The following CPSF7 variants were observed in gnomAD, a reference collection of about 807,000 sequenced individuals.
CPSF7 encodes the protein cleavage and polyadenylation specificity factor subunit 7.
In CPSF7, 1 loss-of-function variant was observed where a neutral mutation model predicts 44.3. The observed-to-expected ratio is 0.02, with a 90% CI of 0.01 to 0.11. CPSF7 has a LOEUF of 0.11. Among genes scored for constraint, CPSF7 ranks in the 10% least tolerant of loss-of-function variants. CPSF7 has a pLI of 1.00. For missense variants in CPSF7, 443 were observed against 607.2 expected (o/e 0.73, Z 2.84); for synonymous variants, 202 against 222.0 (o/e 0.91, Z 0.80).
intron 3 of CPSF7, chr11:61,420,872 T>C (rs934814103): frequency 1.2e-5 from 6 of 484,070 alleles, no homozygotes; most frequent in African/African-American, 5.9e-5. Context: ...TTTTTAATTA[T>C]AGATCTGTCA....
At chr11:61,412,048 A>G in intron 7 of CPSF7, 111 bp from the exon 8 acceptor site, 1 of 870,586 alleles carries the variant, frequency 1.1e-6, no homozygotes, top group Non-Finnish European at 1.8e-6. Flanking sequence ...CGTCCCAAAC[A>G]ACCGCGGTAA....
At position 61,415,974 on chromosome 11, in the gene CPSF7, G is replaced by A. The variant is rs976878492; in HGVS notation, c.938+131C>T. ...AAGGACATGGTACTACTTCCCAGGAGTCAATGCTATGATAACAGAATGTCT... is the reference window on the plus strand; with the variant it reads ...AAGGACATGGTACTACTTCCCAGGAATCAATGCTATGATAACAGAATGTCT... On this transcript the variant is annotated intron_variant, in intron 6 of 9. Coordinates refer to ENST00000439958, the MANE Select transcript of CPSF7 (RefSeq NM_001142565.3). 4.2e-6 allele frequency: 4 copies of A among 961,632 alleles called. No individual in the cohort carries two copies. The African/African-American group carries it at 4.9e-5, about 12-fold the overall frequency. 59.6% of individuals were successfully genotyped at this position (961,632 alleles called of 1,614,324 possible).
At chr11:61,409,976 A>G (rs1200718189) in intron 9 of CPSF7, among the ~76,000 whole-genome samples, 1 of 152,114 alleles carries the variant, frequency 6.6e-6, no homozygotes, top group Non-Finnish European at 1.5e-5. Flanking sequence ...TCTCAAAAAA[A>G]AAAAGATAGG....
intron 9 of CPSF7, 95 bp from the exon 10 acceptor site, chr11:61,404,799 G>A (rs1195529749): frequency 2.0e-5 from 3 of 152,102 alleles, no homozygotes; most frequent in South Asian, 2.1e-4. Context: ...ATATTCTAAC[G>A]CTACAACATA....
chr11:61,419,072 G>A (rs1281336138), intron 5 of CPSF7, among the ~76,000 whole-genome samples: 2 of 151,968 alleles, frequency 1.3e-5, no homozygotes, highest in African/African-American at 4.8e-5. Context: ...GCCCAGGCTG[G>A]AGTGCAGTGG....
chr11:61,410,949 G>A lies in CPSF7; in HGVS notation c.1383C>T (p.His461=). Residue 461 remains histidine, a synonymous_variant, in exon 9 of 10, where the codon CAC becomes CAT. Transcript: ENST00000439958. ...GGGCTTCTCCCCACCTTTCTCAGTG[G>A]TGCCGGTCCCGTTCTCTATCCCGGT... The part of the protein sequence containing the change: ...ERHRDRERDR[H]H The A allele has an allele frequency of 6.2e-7, 1 of 1,606,654 alleles. No individual in the cohort carries two copies. The highest frequency in any genetic ancestry group is 8.5e-7 in the Non-Finnish European group (1 of 1,177,552).
Position 61,415,764 on chromosome 11 carries a change from G to A in CPSF7, c.959C>T (p.Pro320Leu). The A allele has an allele frequency of 6.2e-7, 1 of 1,613,296 alleles. No homozygotes were observed. Among genetic ancestry groups the A allele is most frequent in the Non-Finnish European group, 8.5e-7 (1 of 1,179,250 alleles). The change falls in exon 7 of 10, where the codon CCC (proline) becomes CTC (leucine). Residue 320 changes from proline to leucine, a missense_variant. Pro to Leu is a moderately conservative substitution (Grantham distance 98, BLOSUM62 -3). Coordinates refer to ENST00000439958, the MANE Select transcript of CPSF7 (RefSeq NM_001142565.3). ...HHGSRDSGPP[P>L]STVSEAEFED... ...AAATTCGGCTTCACTCACTGTAGAG[G>A]GTGGAGGGCCCGAATCTCGGCTGTA...
chr11:61,426,230 G>A (rs181934793), intron 2 of CPSF7, among the ~76,000 whole-genome samples: 12 of 152,364 alleles, frequency 7.9e-5, no homozygotes, highest in African/African-American at 2.4e-4. Flanking sequence ...AGCTTGGGGC[G>A]AAATCAGTAA....
In CPSF7 at chr11:61,426,401, A is replaced by G. The variant is rs1861341304; in HGVS notation, c.54+2781T>C. The G allele has an allele frequency of 2.0e-5, 3 of 152,154 alleles. No homozygotes were observed. The South Asian group carries it at 6.2e-4, about 31-fold the overall frequency. The allele number at this position is 152,154 out of a possible 1,614,324, so 9.4% of individuals were successfully genotyped here. A position where few individuals can be genotyped will look rare whatever the true frequency, so the allele number is the denominator to read the frequency against. On this transcript the variant is annotated intron_variant, in intron 2 of 9. Coordinates refer to ENST00000439958, the MANE Select transcript of CPSF7 (RefSeq NM_001142565.3). ...TAACTTTGTCAAAAATAACTAATTG[A>G]TATGTGTGTGGGGGGGAAGCACTCA...
chr11:61,411,995 C>A (rs999166619), intron 7 of CPSF7, 58 bp from the exon 8 acceptor site: 166 of 1,492,814 alleles, frequency 1.1e-4, no homozygotes, highest in Non-Finnish European at 1.5e-4. Context: ...ACTAACTGGA[C>A]CAAAAGGAGA....
intron 3 of CPSF7, 92 bp from the exon 4 acceptor site, chr11:61,420,665 T>TC (rs1255238073): frequency 2.1e-6 from 2 of 951,634 alleles, no homozygotes; most frequent in East Asian, 4.8e-5. Context: ...CACAACTAAG[T>TC]CCCCCCAGAG....
intron 5 of CPSF7, among the ~76,000 whole-genome samples, chr11:61,419,308 C>A (rs1004729621): frequency 1.3e-5 from 2 of 152,182 alleles, no homozygotes; most frequent in African/African-American, 4.8e-5. Flanking sequence ...AGGCGTGAGC[C>A]ACCGCGCCCG....
chr11:61,429,951 G>T lies in CPSF7; in HGVS notation c.-93C>A. On this transcript the variant is annotated 5_prime_UTR_variant, in exon 1 of 10. Transcript: ENST00000439958. ...GGCGGCGGCGGCGAGTCCGGACTAG[G>T]CCCGAAGCGCGCGAACCGCTCTCCG... The T allele has an allele frequency of 4.4e-6, 6 of 1,364,768 alleles. No homozygotes were observed. Among genetic ancestry groups the T allele is most frequent in the South Asian group, 1.4e-5 (1 of 72,306 alleles). 84.5% of individuals were successfully genotyped at this position (1,364,768 alleles called of 1,614,324 possible).
At chr11:61,422,464 G>A (rs368978491) in intron 2 of CPSF7, among the ~76,000 whole-genome samples, 3 of 152,070 alleles carry the variant, frequency 2.0e-5, no homozygotes, top group East Asian at 1.9e-4. Flanking sequence ...ACAGACATGC[G>A]CAACCATGCC....
Position 61,410,958 on chromosome 11 carries a change from C to T in CPSF7, c.1374G>A (p.Arg458=). The part of the protein sequence containing the change: ...REHERHRDRE[R]DRHH ...CCCACCTTTCTCAGTGGTGCCGGTC[C>T]CGTTCTCTATCCCGGTGTCTCTCAT... The change falls in exon 9 of 10, where the codon CGG becomes CGA. Residue 458 remains arginine, a synonymous_variant. Coordinates refer to ENST00000439958, the MANE Select transcript of CPSF7 (RefSeq NM_001142565.3). The T allele has an allele frequency of 6.2e-7, 1 of 1,611,438 alleles. No individual in the cohort carries two copies. Among genetic ancestry groups the T allele is most frequent in the Non-Finnish European group, 8.5e-7 (1 of 1,179,184 alleles).
At chr11:61,414,863 A>T (rs1860170384) in intron 7 of CPSF7, among the ~76,000 whole-genome samples, 1 of 152,270 alleles carries the variant, frequency 6.6e-6, no homozygotes, top group African/African-American at 2.4e-5. Flanking sequence ...TTAAGATGAC[A>T]TCTACAGACT....
intron 9 of CPSF7, among the ~76,000 whole-genome samples, chr11:61,409,839 G>A (rs888590604): frequency 6.6e-6 from 1 of 151,994 alleles, no homozygotes; most frequent in Non-Finnish European, 1.5e-5. Context: ...CGGGCGTGGT[G>A]ACGCGCGCCT....
chr11:61,406,284 A>C (rs1242384117), intron 9 of CPSF7: 3 of 152,232 alleles, frequency 2.0e-5, no homozygotes, highest in African/African-American at 7.2e-5. Context: ...TGGACAAAGA[A>C]GGCTACTGTT....
intron 9 of CPSF7, among the ~76,000 whole-genome samples, chr11:61,406,904 A>C (rs1859385203): frequency 6.6e-6 from 1 of 152,042 alleles, no homozygotes; most frequent in South Asian, 2.1e-4. Flanking sequence ...AGCACCCCCA[A>C]GTAGCTGGGA....
Sources: allele counts gnomAD v4.1 joint callset (sites outside exome capture counted in the v4.1 genomes callset), GRCh38; gene constraint gnomAD v4.1.1; transcripts MANE v1.5; gene names NCBI Gene and HGNC (gene_info 2026-07-23, HGNC 2026-07-21).